Variants in CD9 observed in about 807,000 individuals in gnomAD.
CD9 encodes CD9 molecule.
A neutral mutation model predicts 31.4 loss-of-function variants in CD9; 10 were observed. That is an observed-to-expected ratio of 0.32 (90% CI 0.20 to 0.54). The LOEUF is 0.54. CD9 is among the 20% of genes least tolerant of loss of function. The pLI, the probability that CD9 is intolerant of heterozygous loss-of-function variation, is 0.94. For synonymous variants in CD9, 113 were observed against 114.1 expected (o/e 0.99, Z 0.06); for missense variants, 259 against 300.1 (o/e 0.86, Z 1.01).
intron 4 of CD9, among the ~76,000 whole-genome samples, chr12:6,234,804 C>G (rs1946494205): frequency 6.6e-6 from 1 of 152,216 alleles, no homozygotes; most frequent in South Asian, 2.1e-4. Flanking sequence ...AATGTGGAAA[C>G]TCCATACAGA....
At chr12:6,210,044 G>C (rs1946177361) in intron 1 of CD9, among the ~76,000 whole-genome samples, 1 of 152,172 alleles carries the variant, frequency 6.6e-6, no homozygotes, top group Non-Finnish European at 1.5e-5. Flanking sequence ...GGACACTTTG[G>C]CCTTCTTTGT....
chr12:6,236,522 C>T (rs569248425), intron 7 of CD9: 1 of 557,868 alleles, frequency 1.8e-6, no homozygotes, highest in Non-Finnish European at 3.2e-6. Context: ...ACTCTCTTAG[C>T]CGTTAAGGTT....
At chr12:6,221,674 C>T (rs1263554726) in intron 1 of CD9, among the ~76,000 whole-genome samples, 6 of 151,898 alleles carry the variant, frequency 4.0e-5, no homozygotes, top group Non-Finnish European at 8.8e-5. Flanking sequence ...TTTAGTTTCT[C>T]CTATTATTAA....
intron 6 of CD9, chr12:6,235,775 T>C: frequency 1.4e-6 from 2 of 1,400,204 alleles, no homozygotes; most frequent in Non-Finnish European, 1.8e-6. Context: ...GAATGACAAG[T>C]GTTCTGGCAC....
intron 1 of CD9, chr12:6,205,898 A>T (rs924316320): frequency 3.3e-5 from 5 of 152,146 alleles, no homozygotes; most frequent in Admixed American, 6.5e-5. Context: ...AGCTGGGGAA[A>T]GGAGAGTGGA....
chr12:6,223,051 C>T (rs1474865309), intron 1 of CD9, among the ~76,000 whole-genome samples: 19 of 152,158 alleles, frequency 1.2e-4, no homozygotes, highest in Admixed American at 1.3e-4. Flanking sequence ...TCCCTATGCG[C>T]GCAAGAGCAT....
chr12:6,237,635 C>T lies in CD9; in HGVS notation c.622-128C>T, dbSNP rs117082756. The stretch of plus-strand genomic sequence containing the variant: ...TCTCCTGCTTCAGCACCTTCTGACT[C>T]GTTTGGCCTCCTGGATGCCATTCTC... On this transcript the variant is annotated intron_variant, in intron 7 of 7. Transcript: ENST00000009180. The T allele has an allele frequency of 3.8e-3, 2,399 of 625,742 alleles. 60 individuals carry two copies. Among genetic ancestry groups the T allele is most frequent in the East Asian group, 0.031 (1,043 of 33,766 alleles). The allele number at this position is 625,742 out of a possible 1,614,324, so 38.8% of individuals were successfully genotyped here. A position where few individuals can be genotyped will look rare whatever the true frequency, so the allele number is the denominator to read the frequency against.
chr12:6,203,997 C>T (rs1565417801), intron 1 of CD9, among the ~76,000 whole-genome samples: 1 of 152,120 alleles, frequency 6.6e-6, no homozygotes, highest in Non-Finnish European at 1.5e-5. Context: ...AGGTCTCTTT[C>T]CCAAGAAACC....
chr12:6,219,467 A>C (rs1332654490), intron 1 of CD9, among the ~76,000 whole-genome samples: 2 of 151,838 alleles, frequency 1.3e-5, no homozygotes, highest in African/African-American at 4.8e-5. Flanking sequence ...ACTCTGGGCA[A>C]ATAATTGTTC....
intron 5 of CD9, 63 bp downstream of exon 5, chr12:6,235,390 G>A: frequency 6.2e-7 from 1 of 1,614,074 alleles, no homozygotes; most frequent in Middle Eastern, 1.6e-4. Context: ...CACACAGGGT[G>A]CTGACTGCAC....
At chr12:6,200,935 G>T (rs1946068449) in intron 1 of CD9, 1 of 199,848 alleles carries the variant, frequency 5.0e-6, no homozygotes, top group Non-Finnish European at 1.0e-5. Flanking sequence ...AGGGAGAAGC[G>T]GAGCACCCCT....
intron 1 of CD9, among the ~76,000 whole-genome samples, chr12:6,210,665 G>A (rs373377259): frequency 6.6e-6 from 1 of 152,072 alleles, no homozygotes. Flanking sequence ...AGATATGAAT[G>A]GGGGGGAAAC....
intron 1 of CD9, among the ~76,000 whole-genome samples, chr12:6,202,027 C>T (rs561451703): frequency 1.3e-5 from 2 of 152,258 alleles, no homozygotes; most frequent in African/African-American, 4.8e-5. Context: ...ACCTAGTGAG[C>T]CCTGTCTCAA....
chr12:6,215,856 G>C (rs879918766), intron 1 of CD9, among the ~76,000 whole-genome samples: 1 of 152,240 alleles, frequency 6.6e-6, no homozygotes, highest in Non-Finnish European at 1.5e-5. Context: ...AGAGCAAGTC[G>C]TGGCAATTTC....
At chr12:6,218,468 C>T (rs1281939132) in intron 1 of CD9, among the ~76,000 whole-genome samples, 1 of 152,182 alleles carries the variant, frequency 6.6e-6, no homozygotes, top group Non-Finnish European at 1.5e-5. Flanking sequence ...GGGTTACCTC[C>T]TCTTTTTCAG....
At chr12:6,222,360 C>T (rs971452252) in intron 1 of CD9, among the ~76,000 whole-genome samples, 16 of 152,246 alleles carry the variant, frequency 1.1e-4, no homozygotes, top group Non-Finnish European at 5.9e-5. Context: ...TCCCTTTTCT[C>T]TGGGTTACTT....
At chr12:6,219,852 G>A (rs540758699) in intron 1 of CD9, among the ~76,000 whole-genome samples, 2 of 152,360 alleles carry the variant, frequency 1.3e-5, no homozygotes, top group South Asian at 4.1e-4. Flanking sequence ...GATGGGAAAG[G>A]AAGCTGGTCC....
Position 6,232,792 on chromosome 12 carries a change from C to A in CD9, c.273+63C>A. 3 of 1,023,884 alleles carry A rather than the reference C, an allele frequency of 2.9e-6. No individual in the cohort carries two copies. The highest frequency in any genetic ancestry group is 4.4e-6 in the Non-Finnish European group (3 of 680,090). The allele number at this position is 1,023,884 out of a possible 1,614,324, so 63.4% of individuals were successfully genotyped here. A position where few individuals can be genotyped will look rare whatever the true frequency, so the allele number is the denominator to read the frequency against. On this transcript the variant is annotated intron_variant, in intron 3 of 7. Coordinates refer to ENST00000009180, the MANE Select transcript of CD9 (RefSeq NM_001769.4). This position sits in a 1 kb window ranked among gnomAD's most constrained non-coding sequence, Gnocchi z 4.8. ...TCCCACCAACAAAAACCTCAGCAGG[C>A]CCAGACCCAGACCACAGAACAGATG...
At chr12:6,220,258 A>C (rs1181949432) in intron 1 of CD9, among the ~76,000 whole-genome samples, 1 of 152,248 alleles carries the variant, frequency 6.6e-6, no homozygotes, top group African/African-American at 2.4e-5. Flanking sequence ...GACTTGTACT[A>C]GCAGAGGCAC....
Sources: allele counts gnomAD v4.1 joint callset (sites outside exome capture counted in the v4.1 genomes callset), GRCh38; gene constraint gnomAD v4.1.1; non-coding constraint Gnocchi (gnomAD v3.1); transcripts MANE v1.5; gene names NCBI Gene and HGNC (gene_info 2026-07-23, HGNC 2026-07-21).